MAP6: variants seen among roughly 807,000 people sequenced by gnomAD.
MAP6 encodes microtubule associated protein 6.
MAP6 carries 26 observed loss-of-function variants against 42.4 expected under a neutral mutation model. The observed-to-expected ratio is 0.61, with a 90% CI of 0.45 to 0.85. The LOEUF (loss-of-function observed/expected upper bound fraction) is 0.85, where lower values mean the gene tolerates loss of function less well. MAP6 is among the 40% of genes least tolerant of loss of function. The probability of loss-of-function intolerance (pLI) is 0.00; values close to 1 mark genes in which losing one functional copy is unlikely to be tolerated. For missense variants in MAP6, 966 were observed against 1,099.0 expected (o/e 0.88, Z 1.71); for synonymous variants, 418 against 443.8 (o/e 0.94, Z 0.73).
At chr11:75,662,748 G>C (rs900982513) in intron 1 of MAP6, among the ~76,000 whole-genome samples, 1 of 152,102 alleles carries the variant, frequency 6.6e-6, no homozygotes, top group Non-Finnish European at 1.5e-5. Flanking sequence ...TAAAAACTTG[G>C]TTGCCCAGGC....
At chr11:75,645,028 G>T (rs1290742292) in intron 1 of MAP6, among the ~76,000 whole-genome samples, 1 of 152,158 alleles carries the variant, frequency 6.6e-6, no homozygotes, top group African/African-American at 2.4e-5. Context: ...CCTAGGCATG[G>T]ATTCCATACA....
At chr11:75,626,038 G>T (rs1272807266) in intron 1 of MAP6, among the ~76,000 whole-genome samples, 1 of 152,042 alleles carries the variant, frequency 6.6e-6, no homozygotes, top group South Asian at 2.1e-4. Flanking sequence ...CTCTTTGCTT[G>T]ACCTCACACG....
chr11:75,648,329 A>G (rs1943594914), intron 1 of MAP6, among the ~76,000 whole-genome samples: 1 of 152,178 alleles, frequency 6.6e-6, no homozygotes. Context: ...CCTCGTCTCT[A>G]CCAAAAATAA....
intron 1 of MAP6, among the ~76,000 whole-genome samples, chr11:75,633,239 C>T (rs747436157): frequency 2.0e-5 from 3 of 152,108 alleles, no homozygotes; most frequent in Non-Finnish European, 2.9e-5. Context: ...ACAGGACTTA[C>T]GAAGGCAAAT....
chr11:75,601,373 T>C (rs1045799495), intron 3 of MAP6, among the ~76,000 whole-genome samples: 4 of 152,228 alleles, frequency 2.6e-5, no homozygotes, highest in Non-Finnish European at 5.9e-5. Flanking sequence ...CTTAATAATA[T>C]GCTTTTATGT....
At chr11:75,613,092 G>A (rs1408927372) in intron 1 of MAP6, among the ~76,000 whole-genome samples, 1 of 152,224 alleles carries the variant, frequency 6.6e-6, no homozygotes, top group Non-Finnish European at 1.5e-5. Flanking sequence ...ATCCCTGCCT[G>A]TCTCCCACAC....
intron 1 of MAP6, among the ~76,000 whole-genome samples, chr11:75,657,333 G>A (rs1166162456): frequency 1.3e-5 from 2 of 152,098 alleles, no homozygotes; most frequent in African/African-American, 4.8e-5. Flanking sequence ...GGATGGTCTC[G>A]ATTTCCTGAC....
intron 1 of MAP6, among the ~76,000 whole-genome samples, chr11:75,645,170 G>C (rs1322126761): frequency 6.6e-6 from 1 of 152,138 alleles, no homozygotes; most frequent in East Asian, 1.9e-4. Flanking sequence ...GGACACTTTG[G>C]ACCCCAGTAT....
At chr11:75,643,198 TTTA>T (rs951888150) in intron 1 of MAP6, among the ~76,000 whole-genome samples, 4 of 150,984 alleles carry the variant, frequency 2.6e-5, no homozygotes, top group Admixed American at 6.6e-5. Context: ...GTTACTAAAA[TTTA>T]TTATTATGTA....
chr11:75,634,909 A>G (rs1169765688), intron 1 of MAP6, among the ~76,000 whole-genome samples: 1 of 152,222 alleles, frequency 6.6e-6, no homozygotes, highest in African/African-American at 2.4e-5. Flanking sequence ...GCTTTCTCAC[A>G]CCAAATTACT....
At chr11:75,618,393 G>C (rs1050800764) in intron 1 of MAP6, among the ~76,000 whole-genome samples, 1 of 152,010 alleles carries the variant, frequency 6.6e-6, no homozygotes, top group Non-Finnish European at 1.5e-5. Flanking sequence ...GATCACTTGA[G>C]ATCAGGAGTT....
Position 75,667,887 on chromosome 11 carries a change from G to A in MAP6, c.483C>T (p.Arg161=), listed in dbSNP as rs756815241. The stretch of plus-strand genomic sequence containing the variant: ...CCCCGCGGCGCGGCAGCGGCCAGGC[G>A]CGGAAGTCCTTCTGGTACTGGGTCT... ...ERETQYQKDF[R]AWPLPRRGDH... The change falls in exon 1 of 4, where the codon CGC becomes CGT. Residue 161 remains arginine, a synonymous_variant. Coordinates refer to ENST00000304771, the MANE Select transcript of MAP6 (RefSeq NM_033063.2). This position sits in a 1 kb window ranked among gnomAD's most constrained non-coding sequence, Gnocchi z 5.6. 8 of 1,444,494 alleles carry A rather than the reference G, an allele frequency of 5.5e-6. No homozygotes were observed. The East Asian group carries it at 2.0e-4, about 37-fold the overall frequency. 89.5% of individuals were successfully genotyped at this position (1,444,494 alleles called of 1,614,324 possible). A position where few individuals can be genotyped will look rare whatever the true frequency, so the allele number is the denominator to read the frequency against.
At chr11:75,665,093 G>A (rs143438784) in intron 1 of MAP6, among the ~76,000 whole-genome samples, 112 of 152,218 alleles carry the variant, frequency 7.4e-4, no homozygotes, top group African/African-American at 2.7e-3. Context: ...TTTTTGAGGT[G>A]TTCAAAGATT....
intron 1 of MAP6, among the ~76,000 whole-genome samples, chr11:75,623,992 G>A (rs1446314740): frequency 6.6e-6 from 1 of 152,208 alleles, no homozygotes; most frequent in Non-Finnish European, 1.5e-5. Context: ...GGTGCATCAG[G>A]GATGTGCAGC....
In MAP6 at chr11:75,587,087, TG is replaced by T. The variant is rs777182712; in HGVS notation, c.2413del (p.His805IlefsTer18). The T allele has an allele frequency of 3.7e-5, 60 of 1,603,198 alleles. No individual in the cohort carries two copies. The highest frequency in any genetic ancestry group is 5.1e-5 in the Non-Finnish European group (60 of 1,172,708). ...AGGGGAGCTCTCAATGTATTCCGTA[TG>T]GGGGGCAGTTGGGATCATGACTCGG... The part of the protein sequence containing the change: ...LPRVMIPTAP[H>X]TEYIESSP On this transcript the variant is annotated frameshift_variant, in exon 4 of 4. Coordinates refer to ENST00000304771, the MANE Select transcript of MAP6 (RefSeq NM_033063.2). LOFTEE classifies it high-confidence loss of function.
chr11:75,664,078 TC>T (rs1194151462), intron 1 of MAP6, among the ~76,000 whole-genome samples: 1 of 152,218 alleles, frequency 6.6e-6, no homozygotes, highest in Non-Finnish European at 1.5e-5. Flanking sequence ...TTATGACTCA[TC>T]TATTTTCTAA....
At chr11:75,607,678 G>C in intron 2 of MAP6, 1 of 985,418 alleles carries the variant, frequency 1.0e-6, no homozygotes, top group Non-Finnish European at 1.2e-6. Context: ...AGGGTCCAGT[G>C]ATTGGAGCCA....
chr11:75,642,123 G>A (rs945911571), intron 1 of MAP6, among the ~76,000 whole-genome samples: 2 of 152,210 alleles, frequency 1.3e-5, no homozygotes, highest in African/African-American at 4.8e-5. Flanking sequence ...CTTTTGAGGT[G>A]ATGTCCATCT....
intron 1 of MAP6, among the ~76,000 whole-genome samples, chr11:75,618,480 G>A (rs560172535): frequency 1.1e-4 from 17 of 152,170 alleles, no homozygotes; most frequent in Admixed American, 2.6e-4. Flanking sequence ...GGTGGTGGGC[G>A]CCTGTAATCC....
Sources: gnomAD v4.1 joint callset for allele counts (sites outside exome capture counted in the v4.1 genomes callset) on GRCh38, gnomAD v4.1.1 for gene constraint, Gnocchi (gnomAD v3.1) non-coding constraint, MANE v1.5 for transcripts, NCBI Gene and HGNC (gene_info 2026-07-23, HGNC 2026-07-21) for gene names.